C17orf67: variants seen among roughly 807,000 people sequenced by gnomAD.
The protein encoded by C17orf67 is uncharacterized protein C17orf67.
A neutral mutation model predicts 11.2 loss-of-function variants in C17orf67; 12 were observed. That is an observed-to-expected ratio of 1.07 (90% CI 0.68 to 1.73). The LOEUF (loss-of-function observed/expected upper bound fraction) is 1.73. C17orf67 is among the 40% of genes most tolerant of loss of function. C17orf67 has a pLI of 0.00. For synonymous variants in C17orf67, 59 were observed against 46.9 expected, an observed-to-expected ratio of 1.26 and a Z score of -1.05; for missense variants, 115 against 113.5, an observed-to-expected ratio of 1.01 and a Z score of -0.06.
At chr17:56,798,462 T>C (rs1361438218) in intron 6 of C17orf67, among the ~76,000 whole-genome samples, 2 of 152,114 alleles carry the variant, frequency 1.3e-5, no homozygotes, top group Non-Finnish European at 2.9e-5. Context: ...TTTTTTACAG[T>C]TGATGCACCT....
At chr17:56,803,269 C>T (rs192985052) in intron 6 of C17orf67, among the ~76,000 whole-genome samples, 99 of 152,298 alleles carry the variant, frequency 6.5e-4, no homozygotes, top group Non-Finnish European at 9.7e-4. Flanking sequence ...GAGCCTGTCA[C>T]CTCAAGAAAA....
rs749178078 is a variant in C17orf67, at chr17:56,795,163, C to A, written c.174G>T (p.Leu58=). The change falls in exon 7 of 8, where the codon CTG becomes CTT. Residue 58 remains leucine, a synonymous_variant. Coordinates refer to ENST00000397861, the MANE Select transcript of C17orf67 (RefSeq NM_001085430.4). ...DEPMREYMHH[L]LALEHRAEEQ... Reference sequence around the variant, plus strand: ...CCTCAGCGCGATGCTCCAGGGCGAGCAGGTGGTGCATGTATTCCTGTCAAA... The same window carrying A: ...CCTCAGCGCGATGCTCCAGGGCGAGAAGGTGGTGCATGTATTCCTGTCAAA... The A allele has an allele frequency of 1.2e-6, 2 of 1,614,102 alleles. No individual in the cohort carries two copies. Among genetic ancestry groups the A allele is most frequent in the Admixed American group, 3.3e-5 (2 of 60,022 alleles).
intron 5 of C17orf67, 32 bp from the exon 6 acceptor site, chr17:56,815,001 C>T: frequency 6.4e-7 from 1 of 1,557,820 alleles, no homozygotes. Flanking sequence ...CTTAAGGACA[C>T]TCAGGCTCAG....
chr17:56,814,757 C>A, intron 6 of C17orf67, 112 bp downstream of exon 6: 2 of 1,033,264 alleles, frequency 1.9e-6, no homozygotes, highest in Admixed American at 3.6e-5. Context: ...CTACCTGAAA[C>A]TCTAACCAAA....
At chr17:56,792,605 A>G (rs1567790102) in intron 7 of C17orf67, among the ~76,000 whole-genome samples, 2 of 73,494 alleles carry the variant, frequency 2.7e-5, no homozygotes, top group Admixed American at 3.1e-4. Context: ...GATGATGGTT[A>G]TGGTGGTGGT....
Position 56,815,939 on chromosome 17 carries a change from A to G in C17orf67, c.-129T>C. The G allele has an allele frequency of 2.6e-6, 4 of 1,527,024 alleles. No individual in the cohort carries two copies. Among genetic ancestry groups the G allele is most frequent in the Middle Eastern group, 3.5e-4 (2 of 5,646 alleles). The allele number at this position is 1,527,024 out of a possible 1,614,324, so 94.6% of individuals were successfully genotyped here. On this transcript the variant is annotated 5_prime_UTR_variant, in exon 5 of 8. Transcript: ENST00000397861. ...AACGGGACTTACGGTATGATGCTGA[A>G]TGTATCTGACTCTGAGCGTTTTAGT...
chr17:56,831,076 A>G (rs992445451), intron 2 of C17orf67, among the ~76,000 whole-genome samples: 7 of 152,180 alleles, frequency 4.6e-5, no homozygotes, highest in Admixed American at 6.5e-5. Context: ...CCCCACAGTA[A>G]GAGTTTCATT....
At chr17:56,794,771 T>A (rs1334471067) in intron 7 of C17orf67, among the ~76,000 whole-genome samples, 1 of 152,172 alleles carries the variant, frequency 6.6e-6, no homozygotes, top group Non-Finnish European at 1.5e-5. Context: ...CAGAGAGAGC[T>A]TTTCTGCATG....
intron 6 of C17orf67, among the ~76,000 whole-genome samples, chr17:56,808,619 T>G (rs1315535594): frequency 2.6e-5 from 4 of 152,150 alleles, no homozygotes; most frequent in Non-Finnish European, 5.9e-5. Context: ...AGCAATCTTC[T>G]CAAAAGCACT....
chr17:56,794,363 T>C (rs2069522051), intron 7 of C17orf67, among the ~76,000 whole-genome samples: 1 of 152,182 alleles, frequency 6.6e-6, no homozygotes, highest in Non-Finnish European at 1.5e-5. Flanking sequence ...TCACTGGGCT[T>C]ACCCTCTGAA....
intron 6 of C17orf67, among the ~76,000 whole-genome samples, chr17:56,806,638 C>A (rs934430100): frequency 2.6e-5 from 4 of 152,196 alleles, no homozygotes; most frequent in African/African-American, 7.2e-5. Context: ...GATCTCCCAC[C>A]TCAGCCTCTC....
chr17:56,795,000 A>T, intron 7 of C17orf67, 44 bp downstream of exon 7: 1 of 1,389,482 alleles, frequency 7.2e-7, no homozygotes, highest in Non-Finnish European at 1.0e-6. Context: ...GCTGTCCCCC[A>T]CCACTCCCTC....
chr17:56,808,305 C>A (rs1279368736), intron 6 of C17orf67, among the ~76,000 whole-genome samples: 3 of 152,178 alleles, frequency 2.0e-5, no homozygotes, highest in Non-Finnish European at 2.9e-5. Flanking sequence ...GAGCAGAAAG[C>A]AAATTTAAAC....
At chr17:56,810,285 CCTT>C (rs1192889852) in intron 6 of C17orf67, among the ~76,000 whole-genome samples, 2 of 149,254 alleles carry the variant, frequency 1.3e-5, no homozygotes, top group Non-Finnish European at 3.0e-5. Context: ...CCCTCACACA[CCTT>C]CACATACTCC....
chr17:56,816,477 G>T (rs2144137088), intron 4 of C17orf67, among the ~76,000 whole-genome samples: 1 of 152,342 alleles, frequency 6.6e-6, no homozygotes, highest in East Asian at 1.9e-4. Context: ...TGAGGGGAAA[G>T]CTATGACCTT....
intron 6 of C17orf67, among the ~76,000 whole-genome samples, chr17:56,805,470 C>A (rs1905423850): frequency 6.6e-6 from 1 of 152,236 alleles, no homozygotes; most frequent in South Asian, 2.1e-4. Context: ...CAACAGCCCA[C>A]TGGTCTCCAA....
chr17:56,829,936 GATTTC>G (rs776258064), intron 2 of C17orf67, among the ~76,000 whole-genome samples: 5 of 152,108 alleles, frequency 3.3e-5, no homozygotes, highest in South Asian at 2.1e-4. Context: ...TTTGAAAACA[GATTTC>G]ATTTATCAAT....
intron 2 of C17orf67, among the ~76,000 whole-genome samples, chr17:56,828,868 A>C (rs1384126181): frequency 2.6e-5 from 4 of 152,088 alleles, no homozygotes; most frequent in Non-Finnish European, 5.9e-5. Context: ...AAAAAAAAAA[A>C]AACACTGCAG....
intron 6 of C17orf67, among the ~76,000 whole-genome samples, chr17:56,804,618 T>A (rs1458712904): frequency 3.3e-5 from 5 of 152,164 alleles, no homozygotes; most frequent in Non-Finnish European, 7.3e-5. Context: ...CAAAGACTAC[T>A]TACAATAAAG....
Sources: gnomAD v4.1 joint callset for allele counts (sites outside exome capture counted in the v4.1 genomes callset) on GRCh38, gnomAD v4.1.1 for gene constraint, MANE v1.5 for transcripts, NCBI Gene and HGNC (gene_info 2026-07-23, HGNC 2026-07-21) for gene names.